Variants in ASTN2 observed in about 807,000 individuals in gnomAD.
ASTN2 encodes astrotactin-2.
In ASTN2, 54 loss-of-function variants were observed where a neutral mutation model predicts 139.8. That is an observed-to-expected ratio of 0.39 (90% CI 0.31 to 0.48). The LOEUF (loss-of-function observed/expected upper bound fraction) is 0.48. ASTN2 is among the 20% of genes least tolerant of loss of function. The probability of loss-of-function intolerance (pLI) is 0.95; values close to 1 mark genes in which losing one functional copy is unlikely to be tolerated. For missense variants in ASTN2, 1,565 were observed against 1,725.1 expected (o/e 0.91, Z 1.64); for synonymous variants, 756 against 719.5 (o/e 1.05, Z -0.81).
At chr9:117,190,146 C>G (rs1177069828) in intron 3 of ASTN2, among the ~76,000 whole-genome samples, 1 of 152,160 alleles carries the variant, frequency 6.6e-6, no homozygotes, top group African/African-American at 2.4e-5. Flanking sequence ...AAAGCAGTTG[C>G]TACCACTCAG....
At chr9:116,944,684 A>C (rs2132475315) in intron 10 of ASTN2, among the ~76,000 whole-genome samples, 1 of 149,924 alleles carries the variant, frequency 6.7e-6, no homozygotes, top group South Asian at 2.1e-4. Flanking sequence ...TCTGTCTCAA[A>C]AAAAAAAAAA....
intron 16 of ASTN2, among the ~76,000 whole-genome samples, chr9:116,689,850 A>G (rs1488410047): frequency 6.6e-6 from 1 of 152,162 alleles, no homozygotes; most frequent in East Asian, 1.9e-4. Flanking sequence ...AACGGACTAT[A>G]GGGTGAGGTA....
intron 11 of ASTN2, among the ~76,000 whole-genome samples, chr9:116,837,640 A>T (rs1564295195): frequency 6.6e-6 from 1 of 152,122 alleles, no homozygotes; most frequent in Non-Finnish European, 1.5e-5. Context: ...ATTTGTAATG[A>T]GCTGTTTTAC....
chr9:116,548,270 G>A (rs1852192277), intron 19 of ASTN2, among the ~76,000 whole-genome samples: 1 of 152,116 alleles, frequency 6.6e-6, no homozygotes, highest in African/African-American at 2.4e-5. Flanking sequence ...ATTCAAAGTC[G>A]AGGCCAAGGG....
At chr9:116,999,191 G>T (rs1367372108) in intron 7 of ASTN2, among the ~76,000 whole-genome samples, 1 of 152,152 alleles carries the variant, frequency 6.6e-6, no homozygotes. Context: ...TACATGCTAA[G>T]TTATTAGTGC....
chr9:116,846,088 G>T (rs1405306824), intron 11 of ASTN2, among the ~76,000 whole-genome samples: 1 of 152,182 alleles, frequency 6.6e-6, no homozygotes, highest in East Asian at 1.9e-4. Context: ...TATGCTAAGT[G>T]AAATAAGCCA....
chr9:116,775,221 T>G (rs1182194525), intron 13 of ASTN2, among the ~76,000 whole-genome samples: 1 of 151,534 alleles, frequency 6.6e-6, no homozygotes, highest in Non-Finnish European at 1.5e-5. Flanking sequence ...CAGAGGATAA[T>G]AAAAGGCCCA....
intron 19 of ASTN2, among the ~76,000 whole-genome samples, chr9:116,525,312 G>A (rs1324335528): frequency 6.6e-6 from 1 of 152,160 alleles, no homozygotes; most frequent in Admixed American, 6.5e-5. Context: ...TGACTTTTTG[G>A]AACACATGTG....
chr9:117,145,297 T>A (rs1830170115), intron 3 of ASTN2, among the ~76,000 whole-genome samples: 2 of 152,098 alleles, frequency 1.3e-5, no homozygotes, highest in African/African-American at 4.8e-5. Context: ...GAACATGAGC[T>A]TCTGTGCTGG....
At chr9:116,662,023 A>C (rs1858592717) in intron 16 of ASTN2, among the ~76,000 whole-genome samples, 1 of 151,476 alleles carries the variant, frequency 6.6e-6, no homozygotes, top group Non-Finnish European at 1.5e-5. Flanking sequence ...AAAAAAGAAA[A>C]AAATATATAT....
intron 2 of ASTN2, among the ~76,000 whole-genome samples, chr9:117,241,163 T>C (rs142238415): frequency 6.6e-6 from 1 of 152,306 alleles, no homozygotes; most frequent in Non-Finnish European, 1.5e-5. Flanking sequence ...GGTGAATCTG[T>C]CCTTTTGATG....
intron 19 of ASTN2, chr9:116,613,483 T>G (rs570578179): frequency 6.5e-6 from 1 of 153,052 alleles, no homozygotes; most frequent in African/African-American, 2.4e-5. Flanking sequence ...TTCAATAAAA[T>G]ATTGGCAAAC....
intron 1 of ASTN2, among the ~76,000 whole-genome samples, chr9:117,330,811 T>C (rs1391791811): frequency 6.6e-6 from 1 of 152,210 alleles, no homozygotes; most frequent in Non-Finnish European, 1.5e-5. Flanking sequence ...GGGATATAAA[T>C]GGAAGTTAGT....
chr9:116,795,509 G>A (rs1220752406), intron 13 of ASTN2, among the ~76,000 whole-genome samples: 1 of 152,202 alleles, frequency 6.6e-6, no homozygotes, highest in Admixed American at 6.5e-5. Flanking sequence ...TTTTCCCGAG[G>A]CTGTGATTCC....
intron 16 of ASTN2, among the ~76,000 whole-genome samples, chr9:116,683,195 G>T (rs914960988): frequency 6.6e-6 from 1 of 151,854 alleles, no homozygotes; most frequent in Non-Finnish European, 1.5e-5. Context: ...GCAGGTTTCT[G>T]ATTAAAAACT....
chr9:117,305,555 C>T (rs1834978149), intron 1 of ASTN2, among the ~76,000 whole-genome samples: 1 of 152,212 alleles, frequency 6.6e-6, no homozygotes. Flanking sequence ...CACTTAACTT[C>T]TCAAAATCTC....
At chr9:116,970,344 C>T (rs1173975782) in intron 10 of ASTN2, among the ~76,000 whole-genome samples, 1 of 152,130 alleles carries the variant, frequency 6.6e-6, no homozygotes, top group Non-Finnish European at 1.5e-5. Context: ...CATGCGAATG[C>T]TACTGGTCCA....
intron 10 of ASTN2, among the ~76,000 whole-genome samples, chr9:116,893,651 C>T (rs894708320): frequency 6.6e-5 from 10 of 152,256 alleles, no homozygotes; most frequent in Non-Finnish European, 1.5e-4. Flanking sequence ...CTCACCAAGA[C>T]ATGCAGTTAT....
In ASTN2 at chr9:116,963,585, G is replaced by A. The variant is rs187180649; in HGVS notation, c.1889+11623C>T. Reference sequence around the variant, plus strand: ...TGGGGACTGAAAGCAGTGAGACTACGTATGAGGGCCTGAGCCAGAAAGTGT... The same window carrying A: ...TGGGGACTGAAAGCAGTGAGACTACATATGAGGGCCTGAGCCAGAAAGTGT... On this transcript the variant is annotated intron_variant, in intron 10 of 22. Coordinates refer to ENST00000313400, the MANE Select transcript of ASTN2 (RefSeq NM_001365068.1). 6.1e-4 allele frequency among the ~76,000 whole-genome samples: 93 copies of A among 152,284 alleles called. 1 individual carries two copies. The highest frequency in any genetic ancestry group is 1.8e-3 in the African/African-American group (76 of 41,564).
Sources: allele counts gnomAD v4.1 joint callset (sites outside exome capture counted in the v4.1 genomes callset), GRCh38; gene constraint gnomAD v4.1.1; transcripts MANE v1.5; gene names NCBI Gene and HGNC (gene_info 2026-07-23, HGNC 2026-07-21).